Variants in ZNF804B observed in about 807,000 individuals in gnomAD.
The protein encoded by ZNF804B is zinc finger 804B.
Under a neutral mutation model 101.4 loss-of-function variants are expected in ZNF804B, and 80 were observed. The observed-to-expected ratio is 0.79, with a 90% confidence interval of 0.66 to 0.95. ZNF804B has a LOEUF of 0.95. Among genes scored for constraint, ZNF804B ranks in the 40% least tolerant of loss-of-function variants. The probability of loss-of-function intolerance (pLI) is 0.00; values close to 1 mark genes in which losing one functional copy is unlikely to be tolerated. For synonymous variants in ZNF804B, 622 were observed against 558.8 expected (o/e 1.11, Z -1.59); for missense variants, 1,673 against 1,561.9 (o/e 1.07, Z -1.20).
intron 1 of ZNF804B, among the ~76,000 whole-genome samples, chr7:88,798,594 C>T (rs762163232): frequency 6.3e-4 from 96 of 151,942 alleles, no homozygotes; most frequent in Non-Finnish European, 1.2e-3. Context: ...GGGTTGCTTC[C>T]TAAAAATTTT....
At chr7:88,972,915 C>T (rs1465555306) in intron 1 of ZNF804B, among the ~76,000 whole-genome samples, 3 of 151,408 alleles carry the variant, frequency 2.0e-5, no homozygotes, top group Non-Finnish European at 4.4e-5. Context: ...CTACAAACTT[C>T]TTTGTTAACA....
chr7:89,204,039 T>G, intron 1 of ZNF804B, among the ~76,000 whole-genome samples: 1 of 152,148 alleles, frequency 6.6e-6, no homozygotes, highest in Non-Finnish European at 1.5e-5. Flanking sequence ...CAGCATTGTT[T>G]AATGGTCATT....
At chr7:88,900,223 T>A (rs903251233) in intron 1 of ZNF804B, among the ~76,000 whole-genome samples, 1 of 152,064 alleles carries the variant, frequency 6.6e-6, no homozygotes, top group Non-Finnish European at 1.5e-5. Flanking sequence ...AACAAAGATG[T>A]TAGTTCAGTG....
chr7:89,165,545 C>T (rs1791129576), intron 1 of ZNF804B, among the ~76,000 whole-genome samples: 1 of 151,928 alleles, frequency 6.6e-6, no homozygotes, highest in African/African-American at 2.4e-5. Flanking sequence ...AGGCAGAATC[C>T]CTTAAGATAG....
intron 2 of ZNF804B, among the ~76,000 whole-genome samples, chr7:89,234,545 T>C (rs1473155824): frequency 6.6e-6 from 1 of 152,096 alleles, no homozygotes; most frequent in Non-Finnish European, 1.5e-5. Context: ...TGAAGCATTG[T>C]TTTTGGGTAT....
intron 2 of ZNF804B, among the ~76,000 whole-genome samples, chr7:89,314,304 C>G (rs1790688183): frequency 2.6e-5 from 4 of 152,118 alleles, no homozygotes; most frequent in Admixed American, 2.6e-4. Flanking sequence ...TTCTTAGGCT[C>G]AAATCTAAAG....
chr7:89,138,517 C>T lies in ZNF804B; in HGVS notation c.109-79638C>T, dbSNP rs954934461. On this transcript the variant is annotated intron_variant, in intron 1 of 3. Coordinates refer to ENST00000333190, the MANE Select transcript of ZNF804B (RefSeq NM_181646.5). ...TTAATGCTGAAATGAGTTAAGACTT[C>T]GGGGGACTTTGGAGTTAATGGTGAA... is the stretch of plus-strand genomic sequence containing the variant. Among the ~76,000 whole-genome samples, 7 of 151,928 alleles carry T rather than the reference C, an allele frequency of 4.6e-5. No homozygotes were observed. The East Asian group carries it at 5.8e-4, about 13-fold the overall frequency.
chr7:89,073,553 T>G (rs899214334), intron 1 of ZNF804B, among the ~76,000 whole-genome samples: 4 of 152,160 alleles, frequency 2.6e-5, no homozygotes, highest in African/African-American at 9.7e-5. Flanking sequence ...AAATTTTGCA[T>G]TTGATATGTT....
chr7:89,005,002 C>T (rs1487335580), intron 1 of ZNF804B, among the ~76,000 whole-genome samples: 1 of 151,960 alleles, frequency 6.6e-6, no homozygotes, highest in Non-Finnish European at 1.5e-5. Flanking sequence ...ACCACTCATA[C>T]TTGGATTATT....
At chr7:88,766,367 G>A (rs181663473) in intron 1 of ZNF804B, among the ~76,000 whole-genome samples, 25 of 152,114 alleles carry the variant, frequency 1.6e-4, no homozygotes, top group African/African-American at 4.8e-4. Flanking sequence ...TAAAATATTC[G>A]CTAATGATAT....
At chr7:89,310,855 C>G (rs1244834950) in intron 2 of ZNF804B, among the ~76,000 whole-genome samples, 1 of 152,192 alleles carries the variant, frequency 6.6e-6, no homozygotes, top group Non-Finnish European at 1.5e-5. Flanking sequence ...AGGAGCTGCA[C>G]AGCAGGGAAA....
At chr7:88,907,969 G>A (rs891079714) in intron 1 of ZNF804B, among the ~76,000 whole-genome samples, 2 of 151,844 alleles carry the variant, frequency 1.3e-5, no homozygotes, top group African/African-American at 4.8e-5. Context: ...AAACAACTTT[G>A]TTATGAATTA....
chr7:89,147,511 AT>A (rs1790809125), intron 1 of ZNF804B, among the ~76,000 whole-genome samples: 1 of 152,110 alleles, frequency 6.6e-6, no homozygotes, highest in African/African-American at 2.4e-5. Context: ...ACTAGCAATT[AT>A]TACATTATTT....
chr7:89,081,282 G>A (rs1270864845), intron 1 of ZNF804B, among the ~76,000 whole-genome samples: 2 of 151,738 alleles, frequency 1.3e-5, no homozygotes, highest in Non-Finnish European at 2.9e-5. Flanking sequence ...TTAGATATTA[G>A]GCAGGGTAAG....
chr7:89,249,729 T>C (rs1789510888), intron 2 of ZNF804B, among the ~76,000 whole-genome samples: 1 of 151,132 alleles, frequency 6.6e-6, no homozygotes, highest in South Asian at 2.1e-4. Context: ...CTACAGGAAA[T>C]AAAAAACAAG....
intron 1 of ZNF804B, among the ~76,000 whole-genome samples, chr7:88,826,518 CA>C (rs1470621523): frequency 6.6e-6 from 1 of 152,098 alleles, no homozygotes; most frequent in East Asian, 1.9e-4. Context: ...ATAATGACTT[CA>C]GCAGGGGTCT....
rs1319350382 is a variant in ZNF804B, at chr7:88,904,393, C to T, written c.108+144309C>T. On this transcript the variant is annotated intron_variant, in intron 1 of 3. Transcript: ENST00000333190. ...TTTGAAGTTGGAGAGTGTGATGCTT[C>T]CAGCTTTTAATACTATTGCTTAGGA... 2.6e-5 allele frequency among the ~76,000 whole-genome samples: 4 copies of T among 152,082 alleles called. No homozygotes were observed. The East Asian group carries it at 7.7e-4, about 29-fold the overall frequency.
At chr7:88,773,969 G>A (rs1328682716) in intron 1 of ZNF804B, among the ~76,000 whole-genome samples, 5 of 151,814 alleles carry the variant, frequency 3.3e-5, no homozygotes, top group Non-Finnish European at 5.9e-5. Context: ...GATTTGGGTG[G>A]GGACAAATAT....
chr7:89,247,981 A>C (rs1006033497), intron 2 of ZNF804B, among the ~76,000 whole-genome samples: 1 of 152,214 alleles, frequency 6.6e-6, no homozygotes, highest in African/African-American at 2.4e-5. Flanking sequence ...CAATAGACTG[A>C]ACCAAGCCAA....
Sources: gnomAD v4.1 joint callset for allele counts (sites outside exome capture counted in the v4.1 genomes callset) on GRCh38, gnomAD v4.1.1 for gene constraint, MANE v1.5 for transcripts, NCBI Gene and HGNC (gene_info 2026-07-23, HGNC 2026-07-21) for gene names.